The following ALG12 variants were observed in gnomAD, a reference collection of about 807,000 sequenced individuals.
ALG12 encodes the protein ALG12 alpha-1,6-mannosyltransferase.
ALG12 carries 36 observed loss-of-function variants against 46.0 expected under a neutral mutation model. That is an observed-to-expected ratio of 0.78 (90% confidence interval 0.60 to 1.03). ALG12 has a LOEUF of 1.03. Ranked by LOEUF, ALG12 falls within the 50% of genes least tolerant of loss-of-function variation. The pLI, the probability that ALG12 is intolerant of heterozygous loss-of-function variation, is 0.00. For synonymous variants in ALG12, 326 were observed against 291.6 expected, an observed-to-expected ratio of 1.12 and a Z score of -1.20; for missense variants, 599 against 633.5, an observed-to-expected ratio of 0.95 and a Z score of 0.58.
At chr22:49,861,857 G>A in the ALG12 span, among the ~76,000 whole-genome samples, 1 of 152,160 alleles carries the variant, frequency 6.6e-6, no homozygotes, top group Non-Finnish European at 1.5e-5. Context: ...CATTTTTTGT[G>A]TTTCTGGTGA....
chr22:49,885,044 T>C, the ALG12 span: 2 of 1,611,926 alleles, frequency 1.2e-6, no homozygotes. Flanking sequence ...AAGTCGGAGG[T>C]CTGGCATCAC....
chr22:49,891,016 C>T, the ALG12 span, among the ~76,000 whole-genome samples: 9 of 149,104 alleles, frequency 6.0e-5, no homozygotes, highest in East Asian at 5.9e-4. Flanking sequence ...GGCGACAGAG[C>T]GAGACTCCAT....
At chr22:49,870,621 T>A in the ALG12 span, among the ~76,000 whole-genome samples, 1 of 152,312 alleles carries the variant, frequency 6.6e-6, no homozygotes, top group Non-Finnish European at 1.5e-5. Context: ...CTTTTATGTC[T>A]CCTTTCGAGA....
intron 7 of ALG12, 92 bp from the exon 8 acceptor site, chr22:49,904,598 TCAA>T: frequency 7.0e-7 from 1 of 1,419,810 alleles, no homozygotes; most frequent in Admixed American, 1.9e-5. Flanking sequence ...AACCTGCTGT[TCAA>T]CTTCACCAAG....
chr22:49,873,714 T>C, the ALG12 span, among the ~76,000 whole-genome samples: 1 of 152,106 alleles, frequency 6.6e-6, no homozygotes, highest in African/African-American at 2.4e-5. Context: ...TATTGGGTCT[T>C]CCCACCTCAT....
At position 49,907,805 on chromosome 22, in the gene ALG12, G is replaced by T; in HGVS notation, c.908C>A (p.Ser303Tyr). 3.7e-6 allele frequency: 6 copies of T among 1,614,172 alleles called. No homozygotes were observed. The highest frequency in any genetic ancestry group is 5.1e-6 in the Non-Finnish European group (6 of 1,180,044). ...VLALGFMALY[S>Y]LLPHKELRFI... ...GCGTAGCTCCTTGTGTGGCAGGAGG[G>T]AGTAGAGTGCCATGAAGCCCAGTGC... The change falls in exon 7 of 10, where the codon TCC becomes TAC. Residue 303 changes from serine (S) to tyrosine (Y), a missense_variant. Transcript: ENST00000330817.
In ALG12 at chr22:49,909,276, T is replaced by G. The variant is rs773839225; in HGVS notation, c.736A>C (p.Asn246His). The G allele has an allele frequency of 1.7e-5, 27 of 1,614,126 alleles. No homozygotes were observed. Among genetic ancestry groups the G allele is most frequent in the Non-Finnish European group, 2.1e-5 (25 of 1,180,046 alleles). ...TTGGAGCTTTTGTTCAGGACAGTGT[T>G]GTACCAAAGCACCTTTCCTTCCGGC... ...TWPEGKVLWY[N>H]TVLNKSSNWG... Residue 246 changes from asparagine (N) to histidine (H), a missense_variant, in exon 6 of 10, where the codon AAC becomes CAC. Physicochemically the swap from Asn to His is moderately conservative, Grantham distance 68. Coordinates refer to ENST00000330817, the MANE Select transcript of ALG12 (RefSeq NM_024105.4).
intron 1 of ALG12, among the ~76,000 whole-genome samples, chr22:49,915,013 G>A (rs1213793143): frequency 9.9e-5 from 15 of 152,248 alleles, no homozygotes; most frequent in Admixed American, 6.5e-4. Flanking sequence ...ACAGGCGTGG[G>A]CCACCATGCC....
chr22:49,887,325 C>A, the ALG12 span: 1 of 820,926 alleles, frequency 1.2e-6, no homozygotes, highest in Non-Finnish European at 1.9e-6. Flanking sequence ...ACAGTGTCTC[C>A]ACGTGCCTTA....
downstream of ALG12, among the ~76,000 whole-genome samples, chr22:49,897,657 T>G (rs1325230184): frequency 1.4e-5 from 2 of 146,212 alleles, no homozygotes; most frequent in Non-Finnish European, 3.0e-5. Flanking sequence ...CTTTTGCCCA[T>G]GTTTTCTTTT....
chr22:49,892,212 A>AG, the ALG12 span, among the ~76,000 whole-genome samples: 1 of 144,814 alleles, frequency 6.9e-6, no homozygotes, highest in African/African-American at 2.7e-5. Flanking sequence ...AAAAAAAAAA[A>AG]CTTTTTGAAG....
the ALG12 span, among the ~76,000 whole-genome samples, chr22:49,870,989 G>A: frequency 6.7e-6 from 1 of 149,750 alleles, no homozygotes; most frequent in Non-Finnish European, 1.5e-5. Flanking sequence ...TACCCAGGCT[G>A]GAGTGCAGTG....
chr22:49,876,646 T>C, the ALG12 span, among the ~76,000 whole-genome samples: 1 of 152,320 alleles, frequency 6.6e-6, no homozygotes, highest in Non-Finnish European at 1.5e-5. Context: ...GCCCTTTTCC[T>C]GTTTGCCCTG....
chr22:49,871,763 T>A, the ALG12 span, among the ~76,000 whole-genome samples: 1,006 of 141,378 alleles, frequency 7.1e-3, 14 homozygotes, highest in African/African-American at 0.027. Flanking sequence ...ATTTATTTTT[T>A]TTTTTTTTTG....
the ALG12 span, among the ~76,000 whole-genome samples, chr22:49,875,277 C>A: frequency 6.6e-6 from 1 of 150,400 alleles, no homozygotes; most frequent in East Asian, 1.9e-4. Flanking sequence ...GTCATCTGGG[C>A]CTGGGAGTTT....
At chr22:49,872,564 C>G in the ALG12 span, among the ~76,000 whole-genome samples, 1,239 of 152,312 alleles carry the variant, frequency 8.1e-3, 20 homozygotes, top group African/African-American at 0.029. Flanking sequence ...TGGTCTTGCT[C>G]TGTCACCAAG....
chr22:49,869,513 C>T, the ALG12 span, among the ~76,000 whole-genome samples: 1 of 152,180 alleles, frequency 6.6e-6, no homozygotes, highest in Admixed American at 6.5e-5. Context: ...CCTGTTTATT[C>T]CTCAGGGAAT....
the ALG12 span, among the ~76,000 whole-genome samples, chr22:49,870,137 T>A: frequency 6.6e-6 from 1 of 152,226 alleles, no homozygotes; most frequent in Non-Finnish European, 1.5e-5. Context: ...GCATGCATGT[T>A]GCTGCAAGGG....
chr22:49,887,069 A>G, the ALG12 span: 18 of 1,614,114 alleles, frequency 1.1e-5, no homozygotes, highest in Middle Eastern at 1.6e-4. Flanking sequence ...AAGCTGTTCA[A>G]CACACCCACT....
Sources: allele counts gnomAD v4.1 joint callset (sites outside exome capture counted in the v4.1 genomes callset), GRCh38; gene constraint gnomAD v4.1.1; transcripts MANE v1.5; gene names NCBI Gene and HGNC (gene_info 2026-07-23, HGNC 2026-07-21).